The following FSTL5 variants were observed in gnomAD, a reference collection of about 807,000 sequenced individuals.
FSTL5 encodes the protein follistatin like 5.
In FSTL5, 62 loss-of-function variants were observed where a neutral mutation model predicts 89.1. The ratio of observed to expected loss-of-function variants is 0.70; its 90% CI spans 0.57 to 0.86. FSTL5 has a LOEUF of 0.86. FSTL5 is among the 40% of genes least tolerant of loss of function. The pLI is 0.00. For synonymous variants in FSTL5, 383 were observed against 346.2 expected (o/e 1.11, Z -1.18); for missense variants, 1,057 against 1,001.6 (o/e 1.06, Z -0.75).
chr4:161,699,424 G>C (rs530192249), intron 6 of FSTL5, among the ~76,000 whole-genome samples: 25 of 152,156 alleles, frequency 1.6e-4, no homozygotes, highest in African/African-American at 6.0e-4. Flanking sequence ...CCAAAGACAA[G>C]GCAAAATCAG....
intron 13 of FSTL5, among the ~76,000 whole-genome samples, chr4:161,470,017 G>A (rs1235873114): frequency 1.3e-5 from 2 of 151,878 alleles, no homozygotes; most frequent in African/African-American, 4.8e-5. Flanking sequence ...TATATGATTT[G>A]CATATATCTT....
chr4:161,704,593 T>C (rs933771832), intron 6 of FSTL5, among the ~76,000 whole-genome samples: 4 of 152,068 alleles, frequency 2.6e-5, no homozygotes, highest in Admixed American at 1.3e-4. Context: ...ATTTTTTTTT[T>C]CCTCTGGTAA....
chr4:161,884,139 T>C (rs1384675247), intron 4 of FSTL5, among the ~76,000 whole-genome samples: 1 of 152,234 alleles, frequency 6.6e-6, no homozygotes, highest in East Asian at 1.9e-4. Flanking sequence ...AACCTCAGCC[T>C]CCTGGGTTCA....
At chr4:161,388,951 CAGA>C (rs1730732970) in intron 15 of FSTL5, among the ~76,000 whole-genome samples, 1 of 152,054 alleles carries the variant, frequency 6.6e-6, no homozygotes, top group Non-Finnish European at 1.5e-5. Flanking sequence ...GTTAAAAATG[CAGA>C]AGATCTTTGT....
chr4:161,796,481 C>A (rs150888516), intron 4 of FSTL5, among the ~76,000 whole-genome samples: 3 of 151,770 alleles, frequency 2.0e-5, no homozygotes, highest in Admixed American at 6.6e-5. Context: ...TTATCTTAAT[C>A]CTACATAAAC....
chr4:161,712,541 G>T (rs1401014741), intron 6 of FSTL5, among the ~76,000 whole-genome samples: 1 of 152,138 alleles, frequency 6.6e-6, no homozygotes, highest in African/African-American at 2.4e-5. Context: ...ATGCAAAGTA[G>T]TTGCCTATAT....
intron 5 of FSTL5, among the ~76,000 whole-genome samples, chr4:161,761,364 G>T (rs1259500345): frequency 3.3e-5 from 5 of 152,048 alleles, no homozygotes; most frequent in African/African-American, 1.2e-4. Context: ...ACTTTTCCTG[G>T]GGGCTGGGAG....
At chr4:161,527,643 CA>C (rs1227903473) in intron 10 of FSTL5, among the ~76,000 whole-genome samples, 1 of 151,960 alleles carries the variant, frequency 6.6e-6, no homozygotes, top group East Asian at 1.9e-4. Flanking sequence ...AGTCAGGAAA[CA>C]ACAGGGGCTG....
chr4:161,953,575 T>C lies in FSTL5; in HGVS notation c.161-32923A>G, dbSNP rs528167627. On this transcript the variant is annotated intron_variant, in intron 3 of 15. Coordinates refer to ENST00000306100, the MANE Select transcript of FSTL5 (RefSeq NM_020116.5). ...TGATTAGTCACACATTTCATAGAAT[T>C]TGCATACTTCTTTTAAGTAGATAAG... is the stretch of plus-strand genomic sequence containing the variant. 4.6e-5 allele frequency among the ~76,000 whole-genome samples: 7 copies of C among 151,812 alleles called. No individual in the cohort carries two copies. The East Asian group carries it at 1.4e-3, about 29-fold the overall frequency.
At chr4:162,089,406 G>A (rs1252781819) in intron 2 of FSTL5, among the ~76,000 whole-genome samples, 3 of 151,868 alleles carry the variant, frequency 2.0e-5, no homozygotes, top group South Asian at 2.1e-4. Flanking sequence ...ATGCCGAGGC[G>A]GGTGGATCTC....
At chr4:162,098,206 G>C (rs747900760) in intron 2 of FSTL5, among the ~76,000 whole-genome samples, 1 of 151,748 alleles carries the variant, frequency 6.6e-6, no homozygotes, top group African/African-American at 2.4e-5. Flanking sequence ...AGTGAAAAAC[G>C]TATTACATAA....
chr4:161,816,368 T>A (rs902363537), intron 4 of FSTL5, among the ~76,000 whole-genome samples: 1 of 152,228 alleles, frequency 6.6e-6, no homozygotes, highest in Non-Finnish European at 1.5e-5. Flanking sequence ...ATGTCACTGA[T>A]GTTAATGTTT....
chr4:161,558,467 A>G (rs1380100588), intron 8 of FSTL5, among the ~76,000 whole-genome samples: 1 of 151,960 alleles, frequency 6.6e-6, no homozygotes, highest in Non-Finnish European at 1.5e-5. Context: ...CTTTAAAGAA[A>G]CATAATTTAT....
intron 4 of FSTL5, among the ~76,000 whole-genome samples, chr4:161,859,685 T>C (rs902404240): frequency 4.4e-4 from 67 of 152,284 alleles, no homozygotes; most frequent in African/African-American, 1.5e-3. Context: ...CTTATCACCA[T>C]ACATTCCTAC....
chr4:161,957,299 G>A (rs977026433), intron 3 of FSTL5, among the ~76,000 whole-genome samples: 3 of 151,836 alleles, frequency 2.0e-5, no homozygotes, highest in African/African-American at 4.8e-5. Flanking sequence ...TTGAGTTAAT[G>A]TAAATTAAAT....
At chr4:161,738,689 T>G (rs1739902905) in intron 6 of FSTL5, among the ~76,000 whole-genome samples, 1 of 152,158 alleles carries the variant, frequency 6.6e-6, no homozygotes, top group Non-Finnish European at 1.5e-5. Flanking sequence ...TTGGTGTTGA[T>G]CAAACTCAAA....
At chr4:161,587,775 C>T (rs1733667162) in intron 7 of FSTL5, among the ~76,000 whole-genome samples, 200 bp from the exon 8 acceptor site, 1 of 152,152 alleles carries the variant, frequency 6.6e-6, no homozygotes, top group South Asian at 2.1e-4. Flanking sequence ...TAAAAAGCAT[C>T]ATATCACTCA....
intron 7 of FSTL5, among the ~76,000 whole-genome samples, chr4:161,646,118 T>C (rs1269225301): frequency 6.7e-6 from 1 of 149,060 alleles, no homozygotes; most frequent in Non-Finnish European, 1.5e-5. Flanking sequence ...CTGTTAGCAA[T>C]GAATAGCCTA....
chr4:161,797,765 G>A (rs73860774), intron 4 of FSTL5, among the ~76,000 whole-genome samples: 19,576 of 151,398 alleles, frequency 0.13, 2,389 homozygotes, highest in African/African-American at 0.31. Context: ...TTGATGCTTC[G>A]TTAATATGAT....
Sources: gnomAD v4.1 joint callset for allele counts (sites outside exome capture counted in the v4.1 genomes callset) on GRCh38, gnomAD v4.1.1 for gene constraint, MANE v1.5 for transcripts, NCBI Gene and HGNC (gene_info 2026-07-23, HGNC 2026-07-21) for gene names.